Variants in ANK1 observed in about 807,000 individuals in gnomAD.
ANK1 encodes ankyrin-1.
Under a neutral mutation model 210.4 loss-of-function variants are expected in ANK1, and 51 were observed. The ratio of observed to expected loss-of-function variants is 0.24; its 90% CI spans 0.19 to 0.31. The LOEUF (loss-of-function observed/expected upper bound fraction) is 0.31, where lower values mean the gene tolerates loss of function less well. Among genes scored for constraint, ANK1 ranks in the 10% least tolerant of loss-of-function variants. The pLI is 1.00. For synonymous variants in ANK1, 967 were observed against 1,025.9 expected (o/e 0.94, Z 1.10); for missense variants, 2,051 against 2,504.4 (o/e 0.82, Z 3.86).
chr8:41,865,838 C>G (rs1164029817), intron 1 of ANK1, among the ~76,000 whole-genome samples: 1 of 152,168 alleles, frequency 6.6e-6, no homozygotes, highest in African/African-American at 2.4e-5. Context: ...ATCCCCTCAT[C>G]ACCACTCTCT....
intron 37 of ANK1, among the ~76,000 whole-genome samples, chr8:41,674,533 C>A (rs1169644910): frequency 2.6e-5 from 4 of 152,234 alleles, no homozygotes; most frequent in Non-Finnish European, 5.9e-5. Flanking sequence ...CCTCCACTAG[C>A]CCCATGACCA....
At chr8:41,875,940 G>A (rs2150828082) in intron 1 of ANK1, among the ~76,000 whole-genome samples, 1 of 152,124 alleles carries the variant, frequency 6.6e-6, no homozygotes, top group Non-Finnish European at 1.5e-5. Flanking sequence ...CCCCAGAGGG[G>A]CCGGCGCGCG....
chr8:41,825,654 T>C lies in ANK1; in HGVS notation c.127-67517A>G, dbSNP rs533213081. ...GGTGGGATTTCACCTTACCCTTTGA[T>C]ATGGTTTGGCTGTGTCCCCACCCAA... On this transcript the variant is annotated intron_variant, in intron 1 of 42. Transcript: ENST00000265709. Among the ~76,000 whole-genome samples, 8 of 152,352 alleles carry C rather than the reference T, an allele frequency of 5.3e-5. No homozygotes were observed. The South Asian group carries it at 1.7e-3, about 32-fold the overall frequency.
At chr8:41,743,060 T>C (rs1426901804) in intron 2 of ANK1, among the ~76,000 whole-genome samples, 2 of 152,346 alleles carry the variant, frequency 1.3e-5, no homozygotes, top group East Asian at 1.9e-4. Context: ...AACTTGTACA[T>C]GTGTGACCTC....
At chr8:41,820,491 C>T (rs1366864070) in intron 1 of ANK1, among the ~76,000 whole-genome samples, 2 of 152,054 alleles carry the variant, frequency 1.3e-5, no homozygotes, top group African/African-American at 4.8e-5. Flanking sequence ...CCCCCACACC[C>T]AGCCACCACT....
At chr8:41,732,754 A>T (rs1438273456) in intron 3 of ANK1, among the ~76,000 whole-genome samples, 2 of 148,426 alleles carry the variant, frequency 1.3e-5, no homozygotes, top group Non-Finnish European at 3.0e-5. Context: ...TTTGAGATGG[A>T]GTTTCACTCT....
In ANK1 at chr8:41,663,709, C is replaced by T. The variant is rs780824103; in HGVS notation, c.5428G>A (p.Val1810Met). Residue 1810 changes from valine to methionine, a missense_variant, in exon 40 of 43, where the codon GTG becomes ATG. Val to Met is a conservative substitution (Grantham distance 21). Around this residue, in one of 6 missense-constraint regions of ANK1, gnomAD observed 496 missense variants for 533.4 expected, o/e 0.93. Coordinates refer to ENST00000289734, the MANE Select transcript of ANK1 (RefSeq NM_000037.4). ...TCATCCGTGAATTGCTCCTCTGTCA[C>T]CTGCTCCCCTGGAATATTCTGAAAC... ...NEFQNIPGEQ[V>M]TEEQFTDEQG... 2 of 1,614,098 alleles carry T rather than the reference C, an allele frequency of 1.2e-6. No individual in the cohort carries two copies. The highest frequency in any genetic ancestry group is 1.1e-5 in the South Asian group (1 of 91,072).
intron 1 of ANK1, among the ~76,000 whole-genome samples, chr8:41,885,324 G>A (rs1316310410): frequency 1.3e-5 from 2 of 152,216 alleles, no homozygotes; most frequent in Non-Finnish European, 2.9e-5. Context: ...CACACCAGCT[G>A]TAGTCCAGGT....
chr8:41,746,161 G>A (rs759892534), intron 2 of ANK1, among the ~76,000 whole-genome samples: 6 of 152,196 alleles, frequency 3.9e-5, no homozygotes, highest in African/African-American at 1.4e-4. Context: ...CAGGCCTCTC[G>A]TTCTGCGGGG....
chr8:41,782,051 G>T (rs1845449192), intron 1 of ANK1, among the ~76,000 whole-genome samples: 2 of 152,192 alleles, frequency 1.3e-5, no homozygotes, highest in Non-Finnish European at 2.9e-5. Flanking sequence ...TTAAAGGCTA[G>T]GCACAAAACA....
At chr8:41,850,225 T>A (rs1413019103) in intron 1 of ANK1, among the ~76,000 whole-genome samples, 2 of 152,216 alleles carry the variant, frequency 1.3e-5, no homozygotes, top group Non-Finnish European at 2.9e-5. Flanking sequence ...AGCCGTCGTT[T>A]AGCCCATGGG....
chr8:41,816,345 C>T (rs1190344676), intron 1 of ANK1, among the ~76,000 whole-genome samples: 3 of 152,254 alleles, frequency 2.0e-5, no homozygotes, highest in South Asian at 4.1e-4. Flanking sequence ...CATAGTCTTA[C>T]GATTTTAAAC....
chr8:41,806,863 C>T (rs1310954060), intron 1 of ANK1, among the ~76,000 whole-genome samples: 1 of 152,130 alleles, frequency 6.6e-6, no homozygotes, highest in Non-Finnish European at 1.5e-5. Flanking sequence ...CCTGGTTATG[C>T]CTGCATTGGA....
chr8:41,894,358 G>A (rs1268735733), intron 1 of ANK1, among the ~76,000 whole-genome samples: 3 of 151,104 alleles, frequency 2.0e-5, no homozygotes, highest in Admixed American at 2.0e-4. Context: ...TTGGGGGGAG[G>A]AATATATTAA....
chr8:41,775,259 AG>A (rs1372122630), intron 1 of ANK1, among the ~76,000 whole-genome samples: 1 of 152,220 alleles, frequency 6.6e-6, no homozygotes, highest in African/African-American at 2.4e-5. Flanking sequence ...GGGGCCGACC[AG>A]GGGGTACCCT....
intron 1 of ANK1, among the ~76,000 whole-genome samples, chr8:41,884,035 A>G (rs1818033711): frequency 6.6e-6 from 1 of 152,200 alleles, no homozygotes; most frequent in Non-Finnish European, 1.5e-5. Context: ...TTCCTCACGG[A>G]GTTGCTCTAG....
At chr8:41,831,405 T>C (rs1479602066) in intron 1 of ANK1, among the ~76,000 whole-genome samples, 1 of 152,132 alleles carries the variant, frequency 6.6e-6, no homozygotes, top group Non-Finnish European at 1.5e-5. Context: ...CCCAGCACTT[T>C]GGGAGGCCAA....
intron 1 of ANK1, among the ~76,000 whole-genome samples, chr8:41,844,410 T>TA (rs1019838077): frequency 6.6e-6 from 1 of 151,970 alleles, no homozygotes; most frequent in African/African-American, 2.4e-5. Context: ...GACAAACAAG[T>TA]AGAGAGGACA....
At chr8:41,790,654 G>C (rs1054563762) in intron 1 of ANK1, among the ~76,000 whole-genome samples, 2 of 151,734 alleles carry the variant, frequency 1.3e-5, no homozygotes, top group Non-Finnish European at 2.9e-5. Flanking sequence ...CCCTGCATCT[G>C]TACAACTCGA....
Sources: allele counts gnomAD v4.1 joint callset (sites outside exome capture counted in the v4.1 genomes callset), GRCh38; gene constraint gnomAD v4.1.1; regional missense constraint gnomAD v4.1.1; transcripts MANE v1.5; gene names NCBI Gene and HGNC (gene_info 2026-07-23, HGNC 2026-07-21).